The following CORIN variants were observed in gnomAD, a reference collection of about 807,000 sequenced individuals.
CORIN encodes the protein atrial natriuretic peptide-converting enzyme.
Under a neutral mutation model 125.3 loss-of-function variants are expected in CORIN, and 117 were observed. That is an observed-to-expected ratio of 0.93 (90% CI 0.80 to 1.09). CORIN has a LOEUF of 1.09. Ranked by LOEUF, CORIN falls within the 50% of genes least tolerant of loss-of-function variation. CORIN has a pLI of 0.00. For synonymous variants in CORIN, 450 were observed against 466.4 expected (o/e 0.96, Z 0.45); for missense variants, 1,253 against 1,306.7 (o/e 0.96, Z 0.63).
intron 2 of CORIN, among the ~76,000 whole-genome samples, chr4:47,793,822 G>GGGT (rs1731178427): frequency 6.6e-6 from 1 of 152,128 alleles, no homozygotes; most frequent in Non-Finnish European, 1.5e-5. Context: ...GAATCATCTG[G>GGGT]GGTGGTTCTT....
chr4:47,728,199 A>C (rs1297373275), intron 5 of CORIN, among the ~76,000 whole-genome samples: 2 of 152,168 alleles, frequency 1.3e-5, no homozygotes, highest in Non-Finnish European at 1.5e-5. Flanking sequence ...TGAATCATGC[A>C]TTATTTTCAG....
chr4:47,710,973 G>A (rs1726813108), intron 5 of CORIN, among the ~76,000 whole-genome samples: 1 of 152,220 alleles, frequency 6.6e-6, no homozygotes, highest in Non-Finnish European at 1.5e-5. Flanking sequence ...GATCCCTTCT[G>A]AGAGTAGGGT....
chr4:47,765,779 T>C (rs769741736), intron 3 of CORIN, among the ~76,000 whole-genome samples: 5 of 152,344 alleles, frequency 3.3e-5, no homozygotes, highest in Non-Finnish European at 5.9e-5. Context: ...GTTGAGCACC[T>C]TTTCATATAT....
intron 1 of CORIN, among the ~76,000 whole-genome samples, chr4:47,811,071 T>C (rs1197041969): frequency 6.6e-6 from 1 of 152,204 alleles, no homozygotes; most frequent in Non-Finnish European, 1.5e-5. Flanking sequence ...TGCTACATTA[T>C]AGTAAAAATA....
At chr4:47,638,571 G>A (rs1231810742) in intron 16 of CORIN, among the ~76,000 whole-genome samples, 2 of 152,134 alleles carry the variant, frequency 1.3e-5, no homozygotes, top group Non-Finnish European at 2.9e-5. Context: ...TTAAAAATGG[G>A]AGTTTCCCCA....
At chr4:47,671,917 A>G (rs1471012751) in intron 10 of CORIN, among the ~76,000 whole-genome samples, 2 of 152,168 alleles carry the variant, frequency 1.3e-5, no homozygotes, top group Non-Finnish European at 2.9e-5. Flanking sequence ...ACACAGGAGT[A>G]ATGAGGGCAA....
At position 47,623,688 on chromosome 4, in the gene CORIN, C is replaced by G. The variant is rs780604194; in HGVS notation, c.2423G>C (p.Ser808Thr). 1 of 1,614,244 alleles carries G rather than the reference C, an allele frequency of 6.2e-7. No homozygotes were observed. The highest frequency in any genetic ancestry group is 1.7e-5 in the Admixed American group (1 of 60,022). ...CTGCCATGGCCACCTTCCAGGGCGA[C>G]TCGTCCGACCTCCAAGGATCCTTTT... is the stretch of plus-strand genomic sequence containing the variant. The part of the protein sequence containing the change: ...MNKRILGGRT[S>T]RPGRWPWQCS... The change falls in exon 19 of 22, where the codon AGT becomes ACT. Residue 808 changes from serine (S) to threonine (T), a missense_variant. Transcript: ENST00000273857.
At chr4:47,814,688 C>T (rs553081051) in intron 1 of CORIN, among the ~76,000 whole-genome samples, 14 of 152,226 alleles carry the variant, frequency 9.2e-5, no homozygotes, top group Admixed American at 1.3e-4. Flanking sequence ...TTTTTAATAT[C>T]CCAGGAAGCA....
chr4:47,683,612 A>G (rs1725383474), intron 7 of CORIN, 119 bp downstream of exon 7: 1 of 694,622 alleles, frequency 1.4e-6, no homozygotes, highest in Non-Finnish European at 2.3e-6. Context: ...AAAAAACAAG[A>G]AACCAATCAT....
intron 19 of CORIN, among the ~76,000 whole-genome samples, chr4:47,611,153 G>A (rs1272803570): frequency 6.6e-6 from 1 of 152,134 alleles, no homozygotes; most frequent in Non-Finnish European, 1.5e-5. Flanking sequence ...CAGTTTAATG[G>A]AAATAGCATT....
intron 11 of CORIN, among the ~76,000 whole-genome samples, chr4:47,662,731 T>C (rs3792711): frequency 0.41 from 62,061 of 151,994 alleles, 13,044 homozygotes; most frequent in East Asian, 0.59. Flanking sequence ...CTAATTCAAC[T>C]AAGTTCTCAT....
intron 16 of CORIN, among the ~76,000 whole-genome samples, chr4:47,630,694 T>C (rs1399977999): frequency 2.0e-5 from 3 of 152,198 alleles, no homozygotes; most frequent in Admixed American, 6.5e-5. Context: ...ATTTCTCTCC[T>C]CCTCTCTTGA....
intron 10 of CORIN, among the ~76,000 whole-genome samples, chr4:47,668,913 A>G (rs1724602999): frequency 6.6e-6 from 1 of 152,252 alleles, no homozygotes; most frequent in South Asian, 2.1e-4. Context: ...AATGCTAAGC[A>G]AGATAAACTC....
In CORIN at chr4:47,804,906, A is replaced by G. The variant is rs548297971; in HGVS notation, c.208+1997T>C. 1.3e-3 allele frequency among the ~76,000 whole-genome samples: 196 copies of G among 151,960 alleles called. 2 individuals are homozygous for G. The highest frequency in any genetic ancestry group is 6.8e-3 in the Middle Eastern group (2 of 294). ...AATATAAGATTTTTGGGAGGCCGAGACGGGTGGATCACGCGGTCAGGAGAT... is the reference window on the plus strand; with the variant it reads ...AATATAAGATTTTTGGGAGGCCGAGGCGGGTGGATCACGCGGTCAGGAGAT... On this transcript the variant is annotated intron_variant, in intron 2 of 21. Coordinates refer to ENST00000273857, the MANE Select transcript of CORIN (RefSeq NM_006587.4).
At position 47,623,668 on chromosome 4, in the gene CORIN, A is replaced by G. The variant is rs1351888791; in HGVS notation, c.2443T>C (p.Trp815Arg). The stretch of plus-strand genomic sequence containing the variant: ...GGTTCACTCTGCAGAGAACACTGCC[A>G]TGGCCACCTTCCAGGGCGACTCGTC... ...GRTSRPGRWP[W>R]QCSLQSEPSG... Residue 815 changes from tryptophan to arginine, a missense_variant, in exon 19 of 22, where the codon TGG becomes CGG. Transcript: ENST00000273857. 3.1e-6 allele frequency: 5 copies of G among 1,614,118 alleles called. No homozygotes were observed. Among genetic ancestry groups the G allele is most frequent in the African/African-American group, 2.7e-5 (2 of 74,952 alleles).
chr4:47,691,711 T>C (rs1351415317), intron 6 of CORIN, among the ~76,000 whole-genome samples: 1 of 152,050 alleles, frequency 6.6e-6, no homozygotes, highest in Non-Finnish European at 1.5e-5. Flanking sequence ...CTCTAAGAAG[T>C]AGACCTGATA....
At chr4:47,618,526 A>G (rs1325962054) in intron 19 of CORIN, among the ~76,000 whole-genome samples, 4 of 150,924 alleles carry the variant, frequency 2.7e-5, no homozygotes, top group Non-Finnish European at 5.9e-5. Flanking sequence ...TGAGGGAAGG[A>G]AAGGAGGCGA....
chr4:47,709,929 A>C (rs1184156420), intron 5 of CORIN, among the ~76,000 whole-genome samples: 1 of 152,248 alleles, frequency 6.6e-6, no homozygotes, highest in Non-Finnish European at 1.5e-5. Context: ...ATTTGGGATA[A>C]ATTTCAATAA....
intron 10 of CORIN, among the ~76,000 whole-genome samples, chr4:47,667,430 G>T (rs115923537): frequency 1.3e-5 from 2 of 152,270 alleles, no homozygotes; most frequent in Non-Finnish European, 2.9e-5. Context: ...TGGAGAGGCA[G>T]GCAAGCAAGT....
Sources: allele counts gnomAD v4.1 joint callset (sites outside exome capture counted in the v4.1 genomes callset), GRCh38; gene constraint gnomAD v4.1.1; transcripts MANE v1.5; gene names NCBI Gene and HGNC (gene_info 2026-07-23, HGNC 2026-07-21).